The following PIGG variants were observed in gnomAD, a reference collection of about 807,000 sequenced individuals.
PIGG encodes GPI ethanolamine phosphate transferase 2, catalytic subunit.
Under a neutral mutation model 83.2 loss-of-function variants are expected in PIGG, and 70 were observed. The observed-to-expected ratio is 0.84, with a 90% CI of 0.69 to 1.03. The LOEUF is 1.03. Among genes scored for constraint, PIGG ranks in the 50% least tolerant of loss-of-function variants. PIGG has a pLI of 0.00. For missense variants in PIGG, 1,257 were observed against 1,233.6 expected (o/e 1.02, Z -0.28); for synonymous variants, 532 against 519.5 (o/e 1.02, Z -0.33).
chr4:523,964 T>C, intron 9 of PIGG, 51 bp downstream of exon 9: 1 of 1,173,630 alleles, frequency 8.5e-7, no homozygotes, highest in South Asian at 1.6e-5. Flanking sequence ...GGCCGATTGG[T>C]CACCTGCCAA....
At position 533,496 on chromosome 4, in the gene PIGG, G is replaced by A. The variant is rs571011744; in HGVS notation, c.2572-322G>A. 5 of 355,556 alleles carry A rather than the reference G, an allele frequency of 1.4e-5. 1 individual carries two copies. The South Asian group carries it at 1.6e-4, about 11-fold the overall frequency. The allele number at this position is 355,556 out of a possible 1,614,324, so 22.0% of individuals were successfully genotyped here. On this transcript the variant is annotated intron_variant, in intron 11 of 12. Coordinates refer to ENST00000453061, the MANE Select transcript of PIGG (RefSeq NM_001127178.3). Reference sequence around the variant, plus strand: ...CTTAAGTCGATGGGTCTGGACAAGGGTCTTAGATGTGGCACAGTCAGCCAG... The same window carrying A: ...CTTAAGTCGATGGGTCTGGACAAGGATCTTAGATGTGGCACAGTCAGCCAG...
At chr4:527,639 G>A in intron 10 of PIGG, 2 of 992,586 alleles carry the variant, frequency 2.0e-6, no homozygotes, top group Non-Finnish European at 2.4e-6. Flanking sequence ...ATGATGAGTG[G>A]ATGTTTCCCA....
Position 539,500 on chromosome 4 carries a change from AAT to A in PIGG, c.*133_*134del, listed in dbSNP as rs1442588561. ...CTACCTGAATTTAGACTAAGCAGTA[AAT>A]AGTTTAATAAAAGATCACTTTAATA... On this transcript the variant is annotated 3_prime_UTR_variant, in exon 13 of 13. Coordinates refer to ENST00000453061, the MANE Select transcript of PIGG (RefSeq NM_001127178.3). The A allele has an allele frequency of 1.6e-6, 1 of 615,302 alleles. No homozygotes were observed. Among genetic ancestry groups the A allele is most frequent in the Non-Finnish European group, 2.9e-6 (1 of 347,564 alleles). The allele number at this position is 615,302 out of a possible 1,614,324, so 38.1% of individuals were successfully genotyped here. A position where few individuals can be genotyped will look rare whatever the true frequency, so the allele number is the denominator to read the frequency against.
At chr4:524,653 C>G (rs1330973598) in intron 9 of PIGG, 2 of 152,132 alleles carry the variant, frequency 1.3e-5, no homozygotes, top group Non-Finnish European at 2.9e-5. Context: ...ACAAGGCTCA[C>G]TTCCAACACT....
rs1271537927 is a variant in PIGG, at chr4:523,558, G to A, written c.1714G>A (p.Glu572Lys). The change falls in exon 9 of 13, where the codon GAG becomes AAG. Residue 572 changes from glutamate (E) to lysine (K), a missense_variant. By Grantham distance (56) the Glu-to-Lys change is moderately conservative (BLOSUM62 1). Transcript: ENST00000453061. ...VLSLGASSFV[E>K]EEHQTWYFLV... is the part of the protein sequence containing the mutation. ...GAGCCTGGGCGCCAGCAGCTTCGTG[G>A]AGGAGGAGCACCAGACCTGGTACTT... 1.9e-6 allele frequency: 3 copies of A among 1,614,062 alleles called. No individual in the cohort carries two copies. In the South Asian group the frequency reaches 3.3e-5, roughly 18 times the overall value.
At chr4:522,245 G>C (rs1726180706) in intron 8 of PIGG, 1 of 582,108 alleles carries the variant, frequency 1.7e-6, no homozygotes, top group South Asian at 2.1e-5. Flanking sequence ...AGAGGAACAA[G>C]CCCCCCCGCT....
intron 12 of PIGG, chr4:536,807 C>CG (rs1730753586): frequency 6.6e-6 from 1 of 152,274 alleles, no homozygotes; most frequent in Admixed American, 6.5e-5. Flanking sequence ...CAGCTGTGCG[C>CG]GGCGTGATCA....
chr4:507,127 G>A (rs145262691), intron 3 of PIGG, among the ~76,000 whole-genome samples: 9 of 152,260 alleles, frequency 5.9e-5, no homozygotes, highest in South Asian at 2.1e-4. Context: ...TATTATAGAC[G>A]TGGGGTCTTG....
intron 12 of PIGG, 92 bp from the exon 13 acceptor site, chr4:539,061 A>G (rs1266267912): frequency 5.1e-6 from 4 of 786,162 alleles, no homozygotes; most frequent in Non-Finnish European, 8.7e-6. Context: ...CAAGGGCAAG[A>G]GCTACTGGAG....
chr4:510,311 C>G (rs1398711137), intron 5 of PIGG, among the ~76,000 whole-genome samples: 1 of 152,212 alleles, frequency 6.6e-6, no homozygotes, highest in East Asian at 1.9e-4. Context: ...GCTAGTTAAC[C>G]GCAGCAGGAG....
Position 533,862 on chromosome 4 carries a change from C to A in PIGG, c.2616C>A (p.Phe872Leu), listed in dbSNP as rs764023905. Reference protein sequence around the residue: ...NIATVDISAGFVGLDTYVEIP... With the variant: ...NIATVDISAGLVGLDTYVEIP... Reference sequence around the variant, plus strand: ...CCACCGTGGACATCTCCGCAGGCTTCGTGGGCTTAGACACCTACGTGGAAA... The same window carrying A: ...CCACCGTGGACATCTCCGCAGGCTTAGTGGGCTTAGACACCTACGTGGAAA... Residue 872 changes from phenylalanine (F) to leucine (L), a missense_variant, in exon 12 of 13, where the codon TTC becomes TTA. Coordinates refer to ENST00000453061, the MANE Select transcript of PIGG (RefSeq NM_001127178.3). The A allele has an allele frequency of 6.2e-7, 1 of 1,614,088 alleles. No homozygotes were observed. Among genetic ancestry groups the A allele is most frequent in the African/African-American group, 1.3e-5 (1 of 74,954 alleles).
chr4:499,242 T>C lies in PIGG; in HGVS notation c.-94T>C. 4 of 1,383,062 alleles carry C rather than the reference T, an allele frequency of 2.9e-6. No homozygotes were observed. The South Asian group carries it at 4.9e-5, about 17-fold the overall frequency. 85.7% of individuals were successfully genotyped at this position (1,383,062 alleles called of 1,614,324 possible). On this transcript the variant is annotated 5_prime_UTR_variant, in exon 1 of 13. Transcript: ENST00000453061. ...CTGCGACGATAAGGCCTGGCGTTAT[T>C]GCTTAGAGGCGGCTACCTGGAGCCG... is the stretch of plus-strand genomic sequence containing the variant.
chr4:539,154 G>A lies in PIGG; in HGVS notation c.2737G>A (p.Gly913Ser). 6.3e-7 allele frequency: 1 copy of A among 1,598,574 alleles called. No individual in the cohort carries two copies. The highest frequency in any genetic ancestry group is 1.1e-5 in the South Asian group (1 of 90,724). Residue 913 changes from glycine to serine, a missense_variant and splice_region_variant, in exon 13 of 13, where the codon GGT becomes AGT. Coordinates refer to ENST00000453061, the MANE Select transcript of PIGG (RefSeq NM_001127178.3). ...ACACATTTTCTTTCTTATTAACAGT[G>A]GTTCAGCACTGAGTCATGCTTGCTT... ...VHFLSSETRS[G>S]SALSHACFCY...
chr4:528,151 G>T lies in PIGG; in HGVS notation c.2261+921G>T. On this transcript the variant is annotated intron_variant, in intron 10 of 12. Transcript: ENST00000453061. This position sits in a 1 kb window ranked among gnomAD's most constrained non-coding sequence, Gnocchi z 4.8. Reference sequence around the variant, plus strand: ...TGCTCTGCAGAGGGGTCTTCTGGCTGTTAGGCAGCCTATTTTCACAGAACA... The same window carrying T: ...TGCTCTGCAGAGGGGTCTTCTGGCTTTTAGGCAGCCTATTTTCACAGAACA... 1.0e-6 allele frequency: 1 copy of T among 985,328 alleles called. No individual in the cohort carries two copies. Among genetic ancestry groups the T allele is most frequent in the Non-Finnish European group, 1.2e-6 (1 of 829,898 alleles). The allele number at this position is 985,328 out of a possible 1,614,324, so 61.0% of individuals were successfully genotyped here. A position where few individuals can be genotyped will look rare whatever the true frequency, so the allele number is the denominator to read the frequency against.
At chr4:513,613 T>TA (rs980262076) in intron 5 of PIGG, among the ~76,000 whole-genome samples, 2 of 152,166 alleles carry the variant, frequency 1.3e-5, no homozygotes, top group African/African-American at 4.8e-5. Flanking sequence ...ACCTGGCACC[T>TA]AGTGGATGTT....
At position 530,400 on chromosome 4, in the gene PIGG, G is replaced by T. The variant is rs1728751751; in HGVS notation, c.2262-36G>T. The stretch of plus-strand genomic sequence containing the variant: ...AAATGTTTTTGAATTTTTCTCACTG[G>T]TGCTAATGAATCTAACTTGTTTTGC... On this transcript the variant is annotated intron_variant, in intron 10 of 12. Coordinates refer to ENST00000453061, the MANE Select transcript of PIGG (RefSeq NM_001127178.3). The T allele has an allele frequency of 2.1e-6, 3 of 1,420,896 alleles. No homozygotes were observed. In the South Asian group the frequency reaches 3.5e-5, roughly 17 times the overall value. The allele number at this position is 1,420,896 out of a possible 1,614,324, so 88.0% of individuals were successfully genotyped here.
Position 521,177 on chromosome 4 carries a change from C to A in PIGG, c.1236C>A (p.Tyr412Ter), listed in dbSNP as rs755344002. The A allele has an allele frequency of 6.2e-7, 1 of 1,614,018 alleles. No homozygotes were observed. The highest frequency in any genetic ancestry group is 1.1e-5 in the South Asian group (1 of 91,078). Residue 412 changes from tyrosine to a stop codon, truncating the protein, a stop_gained, in exon 7 of 13, where the codon TAC becomes TAA. Coordinates refer to ENST00000453061, the MANE Select transcript of PIGG (RefSeq NM_001127178.3). LOFTEE classifies it high-confidence loss of function. ...FNLGSKVLRQ[Y>*]LDALKTLSLS... ...TGGGCTCCAAGGTTCTCAGGCAGTA[C>A]CTGGATGCTCTGAAGACGCTGAGCT... is the stretch of plus-strand genomic sequence containing the variant.
chr4:530,660 A>T lies in PIGG; in HGVS notation c.2486A>T (p.Lys829Ile). The change falls in exon 11 of 13, where the codon AAA (lysine) becomes ATA (isoleucine). Residue 829 changes from lysine to isoleucine, a missense_variant. Coordinates refer to ENST00000453061, the MANE Select transcript of PIGG (RefSeq NM_001127178.3). ...CTCTTGATTCAGACTCTAATGACTA[A>T]ATTCATCTGGAAGCCCCTGAGACAC... ...FSLLIQTLMT[K>I]FIWKPLRHDA... 1 of 1,613,800 alleles carries T rather than the reference A, an allele frequency of 6.2e-7. No individual in the cohort carries two copies. The highest frequency in any genetic ancestry group is 1.1e-5 in the South Asian group (1 of 91,076).
At chr4:534,302 C>T (rs1294820819) in intron 12 of PIGG, among the ~76,000 whole-genome samples, 1 of 152,358 alleles carries the variant, frequency 6.6e-6, no homozygotes, top group Non-Finnish European at 1.5e-5. Context: ...TTTCCCGCCA[C>T]TCCAGGTTTT....
Sources: gnomAD v4.1 joint callset for allele counts (sites outside exome capture counted in the v4.1 genomes callset) on GRCh38, gnomAD v4.1.1 for gene constraint, Gnocchi (gnomAD v3.1) non-coding constraint, MANE v1.5 for transcripts, NCBI Gene and HGNC (gene_info 2026-07-23, HGNC 2026-07-21) for gene names.